CREB5: variants seen among roughly 807,000 people sequenced by gnomAD.
The protein encoded by CREB5 is cyclic AMP-responsive element-binding protein 5.
Under a neutral mutation model 57.1 loss-of-function variants are expected in CREB5, and 19 were observed. That is an observed-to-expected ratio of 0.33 (90% confidence interval 0.23 to 0.49). The LOEUF is 0.49. Among genes scored for constraint, CREB5 ranks in the 20% least tolerant of loss-of-function variants. The pLI, the probability that CREB5 is intolerant of heterozygous loss-of-function variation, is 0.99. For synonymous variants in CREB5, 238 were observed against 238.3 expected, an observed-to-expected ratio of 1.00 and a Z score of 0.01; for missense variants, 579 against 671.6, an observed-to-expected ratio of 0.86 and a Z score of 1.52.
intron 4 of CREB5, among the ~76,000 whole-genome samples, chr7:28,509,281 C>T (rs1461057666): frequency 1.3e-5 from 2 of 152,152 alleles, no homozygotes; most frequent in African/African-American, 2.4e-5. Flanking sequence ...TCGTGAAGCC[C>T]GTGGTCGGGG....
chr7:28,639,974 G>A (rs1798583158), intron 5 of CREB5, among the ~76,000 whole-genome samples: 1 of 152,186 alleles, frequency 6.6e-6, no homozygotes, highest in South Asian at 2.1e-4. Context: ...CTCCCTTAGT[G>A]TATGAGGAAT....
At chr7:28,763,800 T>TA (rs1159162025) in intron 7 of CREB5, among the ~76,000 whole-genome samples, 1 of 98,950 alleles carries the variant, frequency 1.0e-5, no homozygotes, top group African/African-American at 3.2e-5. Flanking sequence ...GGGATATTAT[T>TA]ATTATTATTA....
intron 1 of CREB5, among the ~76,000 whole-genome samples, chr7:28,302,000 G>A (rs1201612483): frequency 2.0e-5 from 3 of 152,130 alleles, no homozygotes; most frequent in Non-Finnish European, 4.4e-5. Flanking sequence ...AGCTACTTCA[G>A]AAAATAATAA....
chr7:28,608,111 TCTCACACACACTCA>T (rs1379172134), intron 5 of CREB5, among the ~76,000 whole-genome samples: 8 of 109,484 alleles, frequency 7.3e-5, no homozygotes, highest in East Asian at 6.8e-4. Flanking sequence ...TCTCTCTCTC[TCTCACACACACTCA>T]CACACACACA....
intron 1 of CREB5, among the ~76,000 whole-genome samples, chr7:28,372,255 T>C (rs1457597556): frequency 2.6e-5 from 4 of 152,172 alleles, no homozygotes; most frequent in African/African-American, 9.7e-5. Flanking sequence ...ATGCAGCAAG[T>C]AATATAAAAG....
At chr7:28,499,199 C>G (rs1792178116) in intron 3 of CREB5, among the ~76,000 whole-genome samples, 1 of 148,990 alleles carries the variant, frequency 6.7e-6, no homozygotes, top group Non-Finnish European at 1.5e-5. Flanking sequence ...AAAAAAGACC[C>G]AGAATCAGAA....
chr7:28,442,035 A>C (rs1789208734), intron 1 of CREB5, among the ~76,000 whole-genome samples: 3 of 152,138 alleles, frequency 2.0e-5, no homozygotes. Context: ...GTGGAACACC[A>C]GAACTTATTC....
chr7:28,524,899 G>A (rs775244999), intron 4 of CREB5, among the ~76,000 whole-genome samples: 3 of 152,252 alleles, frequency 2.0e-5, no homozygotes, highest in Middle Eastern at 6.8e-3. Flanking sequence ...TTACCATACT[G>A]TGCTATTAAA....
chr7:28,657,381 T>C (rs1799371943), intron 5 of CREB5, among the ~76,000 whole-genome samples: 3 of 152,138 alleles, frequency 2.0e-5, no homozygotes, highest in African/African-American at 7.2e-5. Flanking sequence ...CCCCTTGCTG[T>C]TGCAATTGTA....
At chr7:28,306,986 T>C (rs930756377) in intron 1 of CREB5, among the ~76,000 whole-genome samples, 6 of 152,234 alleles carry the variant, frequency 3.9e-5, no homozygotes, top group African/African-American at 1.4e-4. Flanking sequence ...GTACAGTTAT[T>C]GCTCCAGCAG....
At chr7:28,797,045 AG>A (rs1292963323) in intron 7 of CREB5, among the ~76,000 whole-genome samples, 1 of 152,258 alleles carries the variant, frequency 6.6e-6, no homozygotes, top group African/African-American at 2.4e-5. Context: ...TTCTTCATTC[AG>A]CAAGAATAAA....
intron 5 of CREB5, among the ~76,000 whole-genome samples, chr7:28,680,968 G>A (rs1301409528): frequency 6.6e-6 from 1 of 152,048 alleles, no homozygotes; most frequent in African/African-American, 2.4e-5. Flanking sequence ...ATATTTAGCT[G>A]CTCTCACCTC....
intron 1 of CREB5, among the ~76,000 whole-genome samples, chr7:28,333,369 C>G (rs536849388): frequency 9.2e-5 from 14 of 152,308 alleles, no homozygotes; most frequent in Admixed American, 9.1e-4. Flanking sequence ...TATCCATCAA[C>G]TCAAGCATTT....
intron 7 of CREB5, among the ~76,000 whole-genome samples, chr7:28,762,056 A>C (rs963967400): frequency 5.3e-5 from 8 of 152,194 alleles, no homozygotes; most frequent in African/African-American, 1.9e-4. Flanking sequence ...GGAGAAAGGC[A>C]AACTTACCAG....
intron 5 of CREB5, among the ~76,000 whole-genome samples, chr7:28,618,638 A>C (rs1045065417): frequency 2.0e-5 from 3 of 152,156 alleles, no homozygotes; most frequent in Non-Finnish European, 4.4e-5. Context: ...AGTCACACGC[A>C]GCTGGGACTT....
At chr7:28,619,755 C>T (rs925785437) in intron 5 of CREB5, among the ~76,000 whole-genome samples, 1 of 152,132 alleles carries the variant, frequency 6.6e-6, no homozygotes, top group African/African-American at 2.4e-5. Flanking sequence ...GAAGGAAACC[C>T]TGAGAATCAA....
At chr7:28,678,914 TTAGA>T (rs1166990935) in intron 5 of CREB5, among the ~76,000 whole-genome samples, 1 of 152,216 alleles carries the variant, frequency 6.6e-6, no homozygotes, top group African/African-American at 2.4e-5. Flanking sequence ...AGGTCAGTTA[TTAGA>T]TAGACACAGA....
chr7:28,387,060 TA>T (rs1784456219), intron 1 of CREB5, among the ~76,000 whole-genome samples: 1 of 152,200 alleles, frequency 6.6e-6, no homozygotes, highest in Admixed American at 6.5e-5. Flanking sequence ...ATCTTTATAA[TA>T]GAATGATTTA....
chr7:28,755,506 G>C (rs1460059831), intron 7 of CREB5, among the ~76,000 whole-genome samples: 1 of 152,210 alleles, frequency 6.6e-6, no homozygotes, highest in Non-Finnish European at 1.5e-5. Context: ...AGGAATGCCA[G>C]CCTAAGGAAA....
Sources: gnomAD v4.1 joint callset for allele counts (sites outside exome capture counted in the v4.1 genomes callset) on GRCh38, gnomAD v4.1.1 for gene constraint, MANE v1.5 for transcripts, NCBI Gene and HGNC (gene_info 2026-07-23, HGNC 2026-07-21) for gene names.